The following NXPE2 variants were observed in gnomAD, a reference collection of about 807,000 sequenced individuals.
The protein encoded by NXPE2 is NXPE family member 2.
NXPE2 carries 34 observed loss-of-function variants against 34.4 expected under a neutral mutation model. That is an observed-to-expected ratio of 0.99 (90% CI 0.75 to 1.31). NXPE2 has a LOEUF of 1.31. NXPE2 is among the 40% of genes most tolerant of loss of function. The pLI is 0.00. For missense variants in NXPE2, 649 were observed against 672.5 expected (o/e 0.97, Z 0.39); for synonymous variants, 235 against 231.3 (o/e 1.02, Z -0.15).
chr11:114,476,176 T>G, the NXPE2 span, among the ~76,000 whole-genome samples: 1 of 152,224 alleles, frequency 6.6e-6, no homozygotes. Flanking sequence ...GAGGACCACC[T>G]GTAGTAATAG....
chr11:114,565,473 G>A, the NXPE2 span, among the ~76,000 whole-genome samples: 1 of 152,178 alleles, frequency 6.6e-6, no homozygotes, highest in Non-Finnish European at 1.5e-5. Flanking sequence ...GAACAAATAC[G>A]TGGTCCTTAC....
chr11:114,783,284 T>G, the NXPE2 span, among the ~76,000 whole-genome samples: 1 of 152,182 alleles, frequency 6.6e-6, no homozygotes, highest in Non-Finnish European at 1.5e-5. Context: ...GGCGTTAATG[T>G]TCAAGAGACA....
chr11:114,565,727 A>G, the NXPE2 span, among the ~76,000 whole-genome samples: 1 of 152,316 alleles, frequency 6.6e-6, no homozygotes, highest in South Asian at 2.1e-4. Context: ...GGAAGCCATT[A>G]CAGGGTTTTA....
At chr11:114,679,797 G>A in intron 2 of NXPE2, 35 bp downstream of exon 2, 2 of 1,317,044 alleles carry the variant, frequency 1.5e-6, no homozygotes, top group African/African-American at 1.5e-5. Flanking sequence ...TTCACAGAAG[G>A]TCACGGTGAC....
At chr11:114,747,975 C>T in the NXPE2 span, among the ~76,000 whole-genome samples, 1 of 152,090 alleles carries the variant, frequency 6.6e-6, no homozygotes, top group Admixed American at 6.6e-5. Context: ...CCCAATTCTC[C>T]CCAGCCCTTG....
chr11:114,607,024 C>T, the NXPE2 span, among the ~76,000 whole-genome samples: 11 of 152,044 alleles, frequency 7.2e-5, no homozygotes, highest in South Asian at 2.1e-4. Context: ...AGAGTAATCA[C>T]GGTTACCCAG....
the NXPE2 span, among the ~76,000 whole-genome samples, chr11:114,566,727 A>G: frequency 2.0e-5 from 3 of 152,170 alleles, no homozygotes; most frequent in Admixed American, 2.0e-4. Flanking sequence ...ATCTCTGTAT[A>G]TATAGAATAT....
At chr11:114,620,740 G>A in the NXPE2 span, among the ~76,000 whole-genome samples, 93 of 152,108 alleles carry the variant, frequency 6.1e-4, 1 homozygote, top group East Asian at 0.016. Context: ...ACAGTTACCC[G>A]ATGTATAATA....
the NXPE2 span, among the ~76,000 whole-genome samples, chr11:114,727,472 G>A: frequency 6.6e-6 from 1 of 152,002 alleles, no homozygotes; most frequent in African/African-American, 2.4e-5. Context: ...AAGAAATGAA[G>A]ATGAGGGCAA....
chr11:114,741,071 G>T, the NXPE2 span, among the ~76,000 whole-genome samples: 2 of 152,028 alleles, frequency 1.3e-5, no homozygotes, highest in Non-Finnish European at 2.9e-5. Context: ...CCTCATTTCT[G>T]TAGGACAGAT....
the NXPE2 span, among the ~76,000 whole-genome samples, chr11:114,738,336 A>G: frequency 6.7e-4 from 102 of 152,330 alleles, 1 homozygote; most frequent in African/African-American, 2.4e-3. Context: ...TCTCAGAACT[A>G]CATAGACTCA....
chr11:114,654,890 C>T, the NXPE2 span, among the ~76,000 whole-genome samples: 4 of 152,142 alleles, frequency 2.6e-5, no homozygotes, highest in South Asian at 4.1e-4. Context: ...CTTGAGGAAT[C>T]GCTATACTGT....
the NXPE2 span, among the ~76,000 whole-genome samples, chr11:114,578,216 G>C: frequency 6.6e-6 from 1 of 152,104 alleles, no homozygotes; most frequent in Non-Finnish European, 1.5e-5. Context: ...GATGCTGTAG[G>C]GTGAGTTGGA....
chr11:114,783,453 C>A, the NXPE2 span, among the ~76,000 whole-genome samples: 2 of 152,190 alleles, frequency 1.3e-5, no homozygotes, highest in African/African-American at 4.8e-5. Flanking sequence ...GCCGACTGAT[C>A]TCACTAAAAT....
the NXPE2 span, among the ~76,000 whole-genome samples, chr11:114,590,341 G>A: frequency 6.6e-6 from 1 of 152,144 alleles, no homozygotes. Flanking sequence ...CTTCTGAAAG[G>A]ACCAGAGCAT....
chr11:114,774,696 C>G, the NXPE2 span, among the ~76,000 whole-genome samples: 1 of 152,188 alleles, frequency 6.6e-6, no homozygotes, highest in East Asian at 1.9e-4. Flanking sequence ...CTCATTTCTC[C>G]TTCCCCCTTT....
At chr11:114,711,483 T>C (rs1258878789), downstream of NXPE2, among the ~76,000 whole-genome samples, 2 of 152,118 alleles carry the variant, frequency 1.3e-5, no homozygotes, top group Admixed American at 1.3e-4. Flanking sequence ...CAATGACCAA[T>C]TCAAAAAGAA....
At chr11:114,756,691 T>G in the NXPE2 span, among the ~76,000 whole-genome samples, 1 of 152,122 alleles carries the variant, frequency 6.6e-6, no homozygotes, top group Non-Finnish European at 1.5e-5. Context: ...TCTGCAAAAA[T>G]GTACATTAAA....
intron 5 of NXPE2, 126 bp from the exon 6 acceptor site, chr11:114,706,265 TATCC>T: frequency 1.4e-6 from 1 of 708,414 alleles, no homozygotes; most frequent in Non-Finnish European, 2.1e-6. Context: ...CTGGTAAAAT[TATCC>T]ACCTTACATA....
Sources: gnomAD v4.1 joint callset for allele counts (sites outside exome capture counted in the v4.1 genomes callset) on GRCh38, gnomAD v4.1.1 for gene constraint, MANE v1.5 for transcripts, NCBI Gene and HGNC (gene_info 2026-07-23, HGNC 2026-07-21) for gene names.